METTL9: variants seen among roughly 807,000 people sequenced by gnomAD.
METTL9 encodes the protein protein-L-histidine N-pros-methyltransferase.
METTL9 carries 10 observed loss-of-function variants against 36.0 expected under a neutral mutation model. The ratio of observed to expected loss-of-function variants is 0.28; its 90% CI spans 0.17 to 0.47. METTL9 has a LOEUF of 0.47. METTL9 is among the 20% of genes least tolerant of loss of function. The probability of loss-of-function intolerance (pLI) is 0.99; values close to 1 mark genes in which losing one functional copy is unlikely to be tolerated. For synonymous variants in METTL9, 175 were observed against 149.7 expected, an observed-to-expected ratio of 1.17 and a Z score of -1.23; for missense variants, 246 against 383.5, an observed-to-expected ratio of 0.64 and a Z score of 3.00.
chr16:21,626,269 T>G (rs1470000068), intron 4 of METTL9, among the ~76,000 whole-genome samples: 3 of 152,318 alleles, frequency 2.0e-5, no homozygotes, highest in East Asian at 3.9e-4. Flanking sequence ...TCTTAAGAGC[T>G]CACAGACATT....
chr16:21,655,505 A>G lies in METTL9; in HGVS notation c.*73A>G, dbSNP rs1966685285. ...CCTTGGAAGAGGGTCTGTGTTCACA[A>G]TTACGTGAAGGGAGGACCCTTGGGG... On this transcript the variant is annotated 3_prime_UTR_variant, in exon 5 of 5. Transcript: ENST00000358154. 5 of 1,338,502 alleles carry G rather than the reference A, an allele frequency of 3.7e-6. No homozygotes were observed. The highest frequency in any genetic ancestry group is 1.3e-5 in the South Asian group (1 of 74,870). 82.9% of individuals were successfully genotyped at this position (1,338,502 alleles called of 1,614,324 possible). A position where few individuals can be genotyped will look rare whatever the true frequency, so the allele number is the denominator to read the frequency against.
intron 4 of METTL9, chr16:21,643,639 A>G (rs1337354256): frequency 7.3e-7 from 1 of 1,363,292 alleles, no homozygotes; most frequent in South Asian, 1.2e-5. Context: ...CATTTTATGT[A>G]CTCATAACAA....
chr16:21,647,367 A>G (rs1966457606), intron 4 of METTL9: 1 of 1,613,984 alleles, frequency 6.2e-7, no homozygotes, highest in South Asian at 1.1e-5. Flanking sequence ...AACCACAGGC[A>G]TGTTGGTTGC....
intron 4 of METTL9, chr16:21,644,429 C>G: frequency 7.1e-7 from 1 of 1,403,880 alleles, no homozygotes; most frequent in Non-Finnish European, 1.0e-6. Flanking sequence ...AGCACATTGA[C>G]TATTAAAGCC....
At chr16:21,645,594 A>T (rs1412229220) in intron 4 of METTL9, among the ~76,000 whole-genome samples, 1 of 152,222 alleles carries the variant, frequency 6.6e-6, no homozygotes, top group Non-Finnish European at 1.5e-5. Flanking sequence ...TGAAAATAGG[A>T]GTTCTGTAGA....
chr16:21,610,171 C>T lies in METTL9; in HGVS notation c.166-2474C>T, dbSNP rs182696813. Among the ~76,000 whole-genome samples, 12 of 152,322 alleles carry T rather than the reference C, an allele frequency of 7.9e-5. No individual in the cohort carries two copies. The East Asian group carries it at 2.3e-3, about 29-fold the overall frequency. ...ATTGTCCCAGCTCCCCAGCCCCTGG[C>T]AGCCACAATCTACTATCTACTTTCT... On this transcript the variant is annotated intron_variant, in intron 1 of 4. Transcript: ENST00000358154.
chr16:21,612,587 T>G, intron 1 of METTL9, 58 bp from the exon 2 acceptor site: 1 of 1,417,266 alleles, frequency 7.1e-7, no homozygotes, highest in South Asian at 1.7e-5. Flanking sequence ...TTGGATTTCT[T>G]AGGTGACACT....
chr16:21,654,352 G>T (rs1323690189), intron 4 of METTL9: 1 of 152,100 alleles, frequency 6.6e-6, no homozygotes, highest in African/African-American at 2.4e-5. Flanking sequence ...GCCTCAATCT[G>T]GTTTTAACAC....
At chr16:21,610,903 C>T (rs1167097229) in intron 1 of METTL9, among the ~76,000 whole-genome samples, 1 of 152,054 alleles carries the variant, frequency 6.6e-6, no homozygotes, top group Admixed American at 6.6e-5. Flanking sequence ...TCAGAGTGGC[C>T]TCCATATTAC....
At chr16:21,636,800 C>A (rs1597774063) in intron 4 of METTL9, among the ~76,000 whole-genome samples, 2 of 152,314 alleles carry the variant, frequency 1.3e-5, no homozygotes, top group East Asian at 3.9e-4. Context: ...TTTTAACTGG[C>A]TGACAGGTGC....
chr16:21,646,445 T>C (rs1178417293), intron 4 of METTL9: 1 of 153,316 alleles, frequency 6.5e-6, no homozygotes, highest in African/African-American at 2.4e-5. Flanking sequence ...TCTCTAGTGC[T>C]TTGTTCTAGG....
chr16:21,624,788 C>G, intron 3 of METTL9, 143 bp from the exon 4 acceptor site: 1 of 759,434 alleles, frequency 1.3e-6, no homozygotes. Context: ...TTGGCCATGT[C>G]ATTATTGCAA....
At chr16:21,605,330 G>A (rs1312736398) in intron 1 of METTL9, among the ~76,000 whole-genome samples, 1 of 117,876 alleles carries the variant, frequency 8.5e-6, no homozygotes, top group Admixed American at 1.1e-4. Flanking sequence ...ACCCAAGTTG[G>A]AATGCAGTGG....
chr16:21,617,784 C>A, intron 2 of METTL9, 81 bp from the exon 3 acceptor site: 2 of 1,206,542 alleles, frequency 1.7e-6, no homozygotes, highest in Non-Finnish European at 1.2e-6. Context: ...GGTGCTGAGT[C>A]ACTATATTCA....
Position 21,656,451 on chromosome 16 carries a change from A to C in METTL9, c.*1019A>C, listed in dbSNP as rs895092268. 2.0e-5 allele frequency: 3 copies of C among 152,162 alleles called. No homozygotes were observed. Among genetic ancestry groups the C allele is most frequent in the Non-Finnish European group, 4.4e-5 (3 of 68,032 alleles). 9.4% of individuals were successfully genotyped at this position (152,162 alleles called of 1,614,324 possible). ...TATTATTTGCCAAGAATATGGTTTGATGAAGACCGTGTCAGACTCATGCAT... is the reference window on the plus strand; with the variant it reads ...TATTATTTGCCAAGAATATGGTTTGCTGAAGACCGTGTCAGACTCATGCAT... On this transcript the variant is annotated 3_prime_UTR_variant, in exon 5 of 5. Transcript: ENST00000358154.
intron 4 of METTL9, among the ~76,000 whole-genome samples, chr16:21,635,217 C>A (rs1966058761): frequency 6.6e-6 from 1 of 152,156 alleles, no homozygotes; most frequent in South Asian, 2.1e-4. Flanking sequence ...CCTTGATCTG[C>A]TTTAAATCAG....
intron 3 of METTL9, among the ~76,000 whole-genome samples, chr16:21,623,619 T>C (rs1217981040): frequency 6.6e-6 from 1 of 152,186 alleles, no homozygotes; most frequent in African/African-American, 2.4e-5. Flanking sequence ...TTTCTAGAGA[T>C]AACAACATTG....
chr16:21,654,750 T>G (rs1175395142), intron 4 of METTL9: 1 of 153,644 alleles, frequency 6.5e-6, no homozygotes, highest in East Asian at 1.9e-4. Flanking sequence ...GCCTAATAAA[T>G]CTCTCTAGGT....
intron 1 of METTL9, among the ~76,000 whole-genome samples, chr16:21,603,560 A>T (rs1965194978): frequency 6.6e-6 from 1 of 152,234 alleles, no homozygotes; most frequent in Non-Finnish European, 1.5e-5. Flanking sequence ...CAGACTCAGA[A>T]TTTAAAAAGA....
Sources: allele counts gnomAD v4.1 joint callset (sites outside exome capture counted in the v4.1 genomes callset), GRCh38; gene constraint gnomAD v4.1.1; transcripts MANE v1.5; gene names NCBI Gene and HGNC (gene_info 2026-07-23, HGNC 2026-07-21).